The following BCAS3 variants were observed in gnomAD, a reference collection of about 807,000 sequenced individuals.
The protein encoded by BCAS3 is BCAS4/BCAS3 fusion.
BCAS3 carries 53 observed loss-of-function variants against 116.1 expected under a neutral mutation model. The ratio of observed to expected loss-of-function variants is 0.46; its 90% CI spans 0.37 to 0.57. The LOEUF (loss-of-function observed/expected upper bound fraction) is 0.57. Ranked by LOEUF, BCAS3 falls within the 20% of genes least tolerant of loss-of-function variation. BCAS3 has a pLI of 0.00. For synonymous variants in BCAS3, 391 were observed against 408.2 expected (o/e 0.96, Z 0.51); for missense variants, 917 against 1,165.4 (o/e 0.79, Z 3.10).
rs1416145914 is a variant in BCAS3 at position 61,144,651 on chromosome 17, C to T, written c.2425+60087C>T. 2.0e-5 allele frequency among the ~76,000 whole-genome samples: 3 copies of T among 152,192 alleles called. No homozygotes were observed. Among genetic ancestry groups the T allele is most frequent in the Non-Finnish European group, 4.4e-5 (3 of 68,032 alleles). On this transcript the variant is annotated intron_variant, in intron 22 of 23. Transcript: ENST00000407086. The surrounding 1 kb of genome is among the most constrained non-coding windows in gnomAD (Gnocchi z 5.0). ...AATAGTCAAAAAAGTAGTCATTTAA[C>T]AATACAATATTTCTCTCGTGTTCTT...
rs767280459 is a variant in BCAS3, at chr17:61,354,329, T to A, written c.2426-13998T>A. ...AATATGTACTTATTCTGTGAAAATA[T>A]GTGAGATTTTCATGAGAGACTTCCT... On this transcript the variant is annotated intron_variant, in intron 22 of 23. Transcript: ENST00000407086. This position sits in a 1 kb window ranked among gnomAD's most constrained non-coding sequence, Gnocchi z 4.5. The A allele has an allele frequency of 8.5e-5, 13 of 152,168 alleles. No individual in the cohort carries two copies. The highest frequency in any genetic ancestry group is 1.5e-4 in the Non-Finnish European group (10 of 68,028). The allele number at this position is 152,168 out of a possible 1,614,324, so 9.4% of individuals were successfully genotyped here. A position where few individuals can be genotyped will look rare whatever the true frequency, so the allele number is the denominator to read the frequency against.
At chr17:60,729,242 A>T (rs930017814) in intron 5 of BCAS3, among the ~76,000 whole-genome samples, 1 of 148,094 alleles carries the variant, frequency 6.8e-6, no homozygotes, top group African/African-American at 2.5e-5. Context: ...TTTCTTTTTG[A>T]TGGGCTTTGT....
chr17:60,701,472 G>A (rs1415428546), intron 4 of BCAS3, among the ~76,000 whole-genome samples: 3 of 152,050 alleles, frequency 2.0e-5, no homozygotes, highest in Admixed American at 6.5e-5. Flanking sequence ...TGAACTGTGC[G>A]GGTCCACTTT....
intron 14 of BCAS3, among the ~76,000 whole-genome samples, chr17:60,971,105 A>G (rs906491053): frequency 6.6e-6 from 1 of 152,196 alleles, no homozygotes; most frequent in African/African-American, 2.4e-5. Context: ...CAGTGAATAG[A>G]ACCTTACCTT....
chr17:61,062,368 A>G (rs977633793), intron 19 of BCAS3, among the ~76,000 whole-genome samples: 4 of 152,302 alleles, frequency 2.6e-5, no homozygotes, highest in African/African-American at 9.6e-5. Flanking sequence ...ATTGTTACAT[A>G]TGAGTCTGGC....
At chr17:61,135,868 G>C (rs963254638) in intron 22 of BCAS3, 1 of 152,362 alleles carries the variant, frequency 6.6e-6, no homozygotes, top group Non-Finnish European at 1.5e-5. Flanking sequence ...GATACTTACT[G>C]TCGGGCTGGT....
chr17:61,294,980 A>C (rs971139047), intron 22 of BCAS3, among the ~76,000 whole-genome samples: 1 of 152,196 alleles, frequency 6.6e-6, no homozygotes, highest in African/African-American at 2.4e-5. Flanking sequence ...GACAGCCTCC[A>C]AGCCTCTGAT....
intron 9 of BCAS3, among the ~76,000 whole-genome samples, chr17:60,880,955 TTTTTG>T (rs201038267): frequency 9.7e-4 from 146 of 151,164 alleles, no homozygotes; most frequent in African/African-American, 3.3e-3. Context: ...TTTCTTCTTT[TTTTTG>T]TTTTGTTTTG....
At chr17:60,947,800 A>G (rs933656579) in intron 14 of BCAS3, among the ~76,000 whole-genome samples, 12 of 152,248 alleles carry the variant, frequency 7.9e-5, no homozygotes, top group Admixed American at 2.6e-4. Flanking sequence ...ATATGAATAC[A>G]GTGGAGGCTA....
chr17:61,275,223 T>C (rs1447344480), intron 22 of BCAS3, among the ~76,000 whole-genome samples: 2 of 152,214 alleles, frequency 1.3e-5, no homozygotes, highest in Admixed American at 1.3e-4. Flanking sequence ...GATCGATATG[T>C]AAAAATTGAT....
chr17:61,160,062 A>G (rs1342059580), intron 22 of BCAS3, among the ~76,000 whole-genome samples: 1 of 151,716 alleles, frequency 6.6e-6, no homozygotes, highest in Non-Finnish European at 1.5e-5. Context: ...TATTGAAAAT[A>G]GAACCATCTA....
Position 61,316,222 on chromosome 17 carries a change from C to T in BCAS3, c.2426-52105C>T, listed in dbSNP as rs1333188062. Reference sequence around the variant, plus strand: ...TCAGGAGGCTGTGGCAGGAGAATCACCTGAGTCCAGGAGGTGGAGGCTGCA... The same window carrying T: ...TCAGGAGGCTGTGGCAGGAGAATCATCTGAGTCCAGGAGGTGGAGGCTGCA... On this transcript the variant is annotated intron_variant, in intron 22 of 23. Coordinates refer to ENST00000407086, the MANE Select transcript of BCAS3 (RefSeq NM_017679.5). The surrounding 1 kb of genome is among the most constrained non-coding windows in gnomAD (Gnocchi z 5.8). 6.6e-6 allele frequency among the ~76,000 whole-genome samples: 1 copy of T among 152,142 alleles called. No individual in the cohort carries two copies. Among genetic ancestry groups the T allele is most frequent in the Non-Finnish European group, 1.5e-5 (1 of 68,026 alleles).
intron 3 of BCAS3, among the ~76,000 whole-genome samples, chr17:60,685,442 C>G (rs998041268): frequency 7.2e-6 from 1 of 139,446 alleles, no homozygotes; most frequent in East Asian, 2.2e-4. Flanking sequence ...AAGAGTGAAA[C>G]TCCGTCTCAA....
chr17:61,322,808 G>GAGAGAGAGAGAGAGAGAGAGAC (rs2055356246), intron 22 of BCAS3, among the ~76,000 whole-genome samples: 1 of 128,970 alleles, frequency 7.8e-6, no homozygotes, highest in African/African-American at 3.2e-5. Context: ...GAGAGAGAGA[G>GAGAGAGAGAGAGAGAGAGAGAC]AGAGAGAGAG....
At chr17:60,692,149 A>C (rs1425055023) in intron 4 of BCAS3, among the ~76,000 whole-genome samples, 2 of 152,198 alleles carry the variant, frequency 1.3e-5, no homozygotes, top group Non-Finnish European at 2.9e-5. Flanking sequence ...ACAAAACAAT[A>C]GAGAAATAAC....
At chr17:60,781,477 T>C (rs2144491220) in intron 6 of BCAS3, among the ~76,000 whole-genome samples, 1 of 152,096 alleles carries the variant, frequency 6.6e-6, no homozygotes, top group African/African-American at 2.4e-5. Flanking sequence ...TGCATGCCTG[T>C]AGTCTCTATT....
chr17:61,063,120 A>ACTGTTG lies in BCAS3; in HGVS notation c.2030-11798_2030-11793dup, dbSNP rs2070236044. The stretch of plus-strand genomic sequence containing the variant: ...CAAACTGCCTCAAGCATCCTAAAAA[A>ACTGTTG]CTGTTGCCGTGACCTTTGCTCTTGC... On this transcript the variant is annotated intron_variant, in intron 19 of 23. Transcript: ENST00000407086. This position sits in a 1 kb window ranked among gnomAD's most constrained non-coding sequence, Gnocchi z 5.3. Among the ~76,000 whole-genome samples the ACTGTTG allele has an allele frequency of 6.6e-6, 1 of 152,078 alleles. No individual in the cohort carries two copies. Among genetic ancestry groups the ACTGTTG allele is most frequent in the Non-Finnish European group, 1.5e-5 (1 of 68,016 alleles).
Position 61,326,092 on chromosome 17 carries a change from G to A in BCAS3, c.2426-42235G>A, listed in dbSNP as rs2055706768. 6.6e-6 allele frequency among the ~76,000 whole-genome samples: 1 copy of A among 152,216 alleles called. No individual in the cohort carries two copies. The highest frequency in any genetic ancestry group is 1.5e-5 in the Non-Finnish European group (1 of 68,042). ...GGACACAGTGGAGCTTGTGAAGTTT[G>A]TGGTCTAGGAGGGGAAAAGACATTA... is the stretch of plus-strand genomic sequence containing the variant. On this transcript the variant is annotated intron_variant, in intron 22 of 23. Transcript: ENST00000407086. This position sits in a 1 kb window ranked among gnomAD's most constrained non-coding sequence, Gnocchi z 5.3.
rs2053486769 is a variant in BCAS3 at position 61,302,017 on chromosome 17, A to T, written c.2426-66310A>T. Among the ~76,000 whole-genome samples the T allele has an allele frequency of 1.3e-5, 2 of 152,200 alleles. No individual in the cohort carries two copies. Among genetic ancestry groups the T allele is most frequent in the South Asian group, 4.1e-4 (2 of 4,830 alleles). ...TGAAGCACGGCCACTTTGAACGCTT[A>T]TTCCCATTCTGCAGAGACCCAGTGG... On this transcript the variant is annotated intron_variant, in intron 22 of 23. Coordinates refer to ENST00000407086, the MANE Select transcript of BCAS3 (RefSeq NM_017679.5). The surrounding 1 kb of genome is among the most constrained non-coding windows in gnomAD (Gnocchi z 4.4).
Sources: allele counts gnomAD v4.1 joint callset (sites outside exome capture counted in the v4.1 genomes callset), GRCh38; gene constraint gnomAD v4.1.1; non-coding constraint Gnocchi (gnomAD v3.1); transcripts MANE v1.5; gene names NCBI Gene and HGNC (gene_info 2026-07-23, HGNC 2026-07-21).